Variants in RGS9 observed in about 807,000 individuals in gnomAD.
RGS9 encodes regulator of G-protein signalling 9.
RGS9 carries 78 observed loss-of-function variants against 102.0 expected under a neutral mutation model. The observed-to-expected ratio is 0.76, with a 90% confidence interval of 0.64 to 0.92. RGS9 has a LOEUF of 0.92. RGS9 is among the 40% of genes least tolerant of loss of function. RGS9 has a pLI of 0.00. For missense variants in RGS9, 833 were observed against 866.1 expected (o/e 0.96, Z 0.48); for synonymous variants, 353 against 318.6 (o/e 1.11, Z -1.15).
chr17:65,204,945 G>T (rs1445786248), intron 15 of RGS9, among the ~76,000 whole-genome samples: 1 of 152,186 alleles, frequency 6.6e-6, no homozygotes, highest in African/African-American at 2.4e-5. Context: ...AGTTTCTGCT[G>T]CAGAGTGATG....
At chr17:65,200,088 A>G (rs1912769327) in intron 13 of RGS9, among the ~76,000 whole-genome samples, 1 of 151,806 alleles carries the variant, frequency 6.6e-6, no homozygotes, top group South Asian at 2.1e-4. Context: ...CTGGAGTGCA[A>G]TGGTACCATC....
chr17:65,205,625 G>A (rs1324413241), intron 15 of RGS9, among the ~76,000 whole-genome samples: 1 of 151,774 alleles, frequency 6.6e-6, no homozygotes, highest in African/African-American at 2.4e-5. Flanking sequence ...AGGTTATAAT[G>A]TGATATAGGC....
chr17:65,200,113 C>G (rs1598609951), intron 13 of RGS9, among the ~76,000 whole-genome samples: 1 of 152,096 alleles, frequency 6.6e-6, no homozygotes, highest in African/African-American at 2.4e-5. Flanking sequence ...CTCACTGCAA[C>G]CACTGCCTCC....
chr17:65,159,156 C>T (rs1214724852), intron 3 of RGS9, among the ~76,000 whole-genome samples: 1 of 148,486 alleles, frequency 6.7e-6, no homozygotes, highest in Non-Finnish European at 1.5e-5. Flanking sequence ...CCTTGTGACC[C>T]CCCACTCCTG....
intron 9 of RGS9, among the ~76,000 whole-genome samples, chr17:65,186,330 CA>C (rs1912120425): frequency 6.6e-6 from 1 of 151,800 alleles, no homozygotes; most frequent in African/African-American, 2.4e-5. Context: ...GCCTCCACCC[CA>C]CCCCCCACCA....
intron 17 of RGS9, among the ~76,000 whole-genome samples, chr17:65,212,855 A>C (rs1477551093): frequency 6.6e-6 from 1 of 152,208 alleles, no homozygotes; most frequent in African/African-American, 2.4e-5. Flanking sequence ...AAACCATTGT[A>C]AACTGGGTGA....
rs75366943 is a variant in RGS9 at position 65,205,471 on chromosome 17, C to T, written c.1203+1170C>T. 5.3e-3 allele frequency among the ~76,000 whole-genome samples: 804 copies of T among 150,392 alleles called. 5 individuals are homozygous for T. The highest frequency in any genetic ancestry group is 0.019 in the African/African-American group (764 of 40,726). ...GAGATAGATTATATGACATAGGTTG[C>T]GTGATATAGCTTATATGAGATAGAC... On this transcript the variant is annotated intron_variant, in intron 15 of 18. Transcript: ENST00000262406.
At chr17:65,159,067 C>T (rs945948549) in intron 3 of RGS9, among the ~76,000 whole-genome samples, 6 of 152,290 alleles carry the variant, frequency 3.9e-5, no homozygotes, top group African/African-American at 1.4e-4. Context: ...ATGGCCAGTC[C>T]TTGCCTTAAC....
chr17:65,141,963 A>C (rs116334072), intron 1 of RGS9, among the ~76,000 whole-genome samples: 2,016 of 152,336 alleles, frequency 0.013, 48 homozygotes, highest in African/African-American at 0.046. Context: ...GTAGGTAAGA[A>C]AGGCCCAGAT....
chr17:65,155,389 G>C (rs1268510567), intron 2 of RGS9, among the ~76,000 whole-genome samples: 1 of 152,212 alleles, frequency 6.6e-6, no homozygotes, highest in Non-Finnish European at 1.5e-5. Context: ...AGCTGTGTTT[G>C]TAACAGATGG....
chr17:65,213,809 G>C (rs1030609273), intron 17 of RGS9, among the ~76,000 whole-genome samples: 13 of 152,160 alleles, frequency 8.5e-5, no homozygotes, highest in African/African-American at 2.9e-4. Flanking sequence ...AATCTAATGA[G>C]AGACACAGCA....
At chr17:65,172,884 C>T (rs1911472277) in intron 8 of RGS9, among the ~76,000 whole-genome samples, 1 of 152,088 alleles carries the variant, frequency 6.6e-6, no homozygotes, top group Non-Finnish European at 1.5e-5. Context: ...AAATTGTCTC[C>T]CTGTTTCACC....
Position 65,225,438 on chromosome 17 carries a change from G to A in RGS9, c.1844G>A (p.Gly615Glu). 6.2e-7 allele frequency: 1 copy of A among 1,608,216 alleles called. No individual in the cohort carries two copies. Among genetic ancestry groups the A allele is most frequent in the South Asian group, 1.1e-5 (1 of 91,070 alleles). Residue 615 changes from glycine to glutamate, a missense_variant, in exon 18 of 19, where the codon GGG becomes GAG. By Grantham distance (98) the Gly-to-Glu change is moderately conservative (BLOSUM62 -2). This residue lies in a region of RGS9 where 320 missense variants were observed against 276.8 expected (regional missense o/e 1.16). Transcript: ENST00000262406. ...TCCCACGGGAGGGTGCAGCCCCTGG[G>A]GGACGTGGGCCAGCAGCTGCCACGA... ...AVSHGRVQPL[G>E]DVGQQLPRLK...
intron 17 of RGS9, among the ~76,000 whole-genome samples, chr17:65,220,038 C>T (rs1241713867): frequency 6.6e-6 from 1 of 151,952 alleles, no homozygotes; most frequent in East Asian, 1.9e-4. Flanking sequence ...CCATCATCAC[C>T]ATCATCACCA....
At position 65,193,618 on chromosome 17, in the gene RGS9, C is replaced by G. The variant is rs769213473; in HGVS notation, c.822C>G (p.Ile274Met). 29 of 1,613,666 alleles carry G rather than the reference C, an allele frequency of 1.8e-5. No individual in the cohort carries two copies. Among genetic ancestry groups the G allele is most frequent in the Non-Finnish European group, 2.5e-5 (29 of 1,179,554 alleles). Residue 274 changes from isoleucine to methionine, a missense_variant, in exon 12 of 19, where the codon ATC becomes ATG. This residue lies in a region of RGS9 where 328 missense variants were observed against 340.6 expected (regional missense o/e 0.96). Coordinates refer to ENST00000262406, the MANE Select transcript of RGS9 (RefSeq NM_003835.4). Reference sequence around the variant, plus strand: ...GCTGCCTCCCCAGCAACCCCTGGATCACCGATGACACCCAGTTCTGGGACT... The same window carrying G: ...GCTGCCTCCCCAGCAACCCCTGGATGACCGATGACACCCAGTTCTGGGACT... ...MSGCLPSNPW[I>M]TDDTQFWDLN... is the part of the protein sequence containing the mutation.
rs756410417 is a variant in RGS9 at position 65,225,323 on chromosome 17, C to T, written c.1729C>T (p.Arg577Cys). The T allele has an allele frequency of 1.4e-5, 23 of 1,610,794 alleles. No individual in the cohort carries two copies. The highest frequency in any genetic ancestry group is 4.4e-5 in the South Asian group (4 of 91,086). Reference protein sequence around the residue: ...RSRPRAPPKARMALSFSRFLR... With the variant: ...RSRPRAPPKACMALSFSRFLR... ...CCGGCCCAGGGCCCCTCCTAAGGCC[C>T]GCATGGCTCTGTCCTTCAGCAGGTT... Residue 577 changes from arginine (R) to cysteine (C), a missense_variant, in exon 18 of 19, where the codon CGC becomes TGC. Arg to Cys is a radical substitution (Grantham distance 180). This residue lies in a region of RGS9 where 320 missense variants were observed against 276.8 expected (regional missense o/e 1.16). Transcript: ENST00000262406.
intron 8 of RGS9, among the ~76,000 whole-genome samples, chr17:65,170,607 C>A (rs1046431273): frequency 6.6e-5 from 10 of 152,138 alleles, no homozygotes; most frequent in African/African-American, 2.2e-4. Context: ...CCTTTGGTAA[C>A]CTCCTCGGTC....
intron 17 of RGS9, among the ~76,000 whole-genome samples, chr17:65,217,254 T>G (rs1913552107): frequency 6.6e-6 from 1 of 152,150 alleles, no homozygotes; most frequent in African/African-American, 2.4e-5. Context: ...TCTGCTGAGG[T>G]GGATCAGAGC....
rs1279052143 is a variant in RGS9 at position 65,227,533 on chromosome 17, G to T, written c.*126G>T. 13 of 1,300,066 alleles carry T rather than the reference G, an allele frequency of 1.0e-5. No individual in the cohort carries two copies. In the East Asian group the frequency reaches 3.3e-4, roughly 33 times the overall value. 80.5% of individuals were successfully genotyped at this position (1,300,066 alleles called of 1,614,324 possible). ...ATTTGGGTGACATTTGAAGATTGGG[G>T]AGACAAGATGGGGTAGATTGTGGCA... On this transcript the variant is annotated 3_prime_UTR_variant, in exon 19 of 19. Coordinates refer to ENST00000262406, the MANE Select transcript of RGS9 (RefSeq NM_003835.4).
Sources: allele counts gnomAD v4.1 joint callset (sites outside exome capture counted in the v4.1 genomes callset), GRCh38; gene constraint gnomAD v4.1.1; regional missense constraint gnomAD v4.1.1; transcripts MANE v1.5; gene names NCBI Gene and HGNC (gene_info 2026-07-23, HGNC 2026-07-21).